The following MYEF2 variants were observed in gnomAD, a reference collection of about 807,000 sequenced individuals.
MYEF2 encodes the protein myelin expression factor 2.
Under a neutral mutation model 75.2 loss-of-function variants are expected in MYEF2, and 37 were observed. That is an observed-to-expected ratio of 0.49 (90% CI 0.38 to 0.65). The LOEUF (loss-of-function observed/expected upper bound fraction) is 0.65. Ranked by LOEUF, MYEF2 falls within the 30% of genes least tolerant of loss-of-function variation. The pLI, the probability that MYEF2 is intolerant of heterozygous loss-of-function variation, is 0.00. For missense variants in MYEF2, 634 were observed against 771.4 expected, an observed-to-expected ratio of 0.82 and a Z score of 2.11; for synonymous variants, 195 against 241.6, an observed-to-expected ratio of 0.81 and a Z score of 1.79.
chr15:48,170,696 C>G (rs1488492333), intron 1 of MYEF2, among the ~76,000 whole-genome samples: 2 of 152,138 alleles, frequency 1.3e-5, no homozygotes, highest in Non-Finnish European at 2.9e-5. Flanking sequence ...TCATTTGTTA[C>G]ATAATATATA....
intron 8 of MYEF2, 25 bp downstream of exon 8, chr15:48,158,150 G>A: frequency 6.2e-7 from 1 of 1,612,590 alleles, no homozygotes; most frequent in Non-Finnish European, 8.5e-7. Context: ...GAGGTTGGAG[G>A]TTGAAGTGAT....
Position 48,167,348 on chromosome 15 carries a change from C to T in MYEF2, c.423+1G>A. The T allele has an allele frequency of 6.2e-7, 1 of 1,612,996 alleles. No homozygotes were observed. The highest frequency in any genetic ancestry group is 8.5e-7 in the Non-Finnish European group (1 of 1,179,098). On this transcript the variant is annotated splice_donor_variant, in intron 3 of 16. Transcript: ENST00000324324. LOFTEE classifies it high-confidence loss of function. Reference sequence around the variant, plus strand: ...AGCAGATTATTGCCCACAGCACTTACCCTTGATTTTCCTTCCGCATCCTTA... The same window carrying T: ...AGCAGATTATTGCCCACAGCACTTATCCTTGATTTTCCTTCCGCATCCTTA...
intron 5 of MYEF2, among the ~76,000 whole-genome samples, 171 bp downstream of exon 5, chr15:48,165,762 G>A (rs1275466467): frequency 2.6e-5 from 4 of 151,688 alleles, no homozygotes. Flanking sequence ...CTGCTTAACA[G>A]CAAATATAAA....
chr15:48,174,307 A>T (rs1479089448), intron 1 of MYEF2, among the ~76,000 whole-genome samples: 2 of 152,106 alleles, frequency 1.3e-5, no homozygotes, highest in Non-Finnish European at 2.9e-5. Context: ...ATGAAAATGG[A>T]TTAAAAACTT....
chr15:48,144,685 A>G (rs1420981388), intron 16 of MYEF2, among the ~76,000 whole-genome samples: 6 of 151,958 alleles, frequency 3.9e-5, no homozygotes. Flanking sequence ...AAAACAATTT[A>G]AAGATAAATG....
rs2039075269 is a variant in MYEF2, at chr15:48,141,299, C to G, written c.*1609G>C. ...TAGCTTTAAAAATGTTTACTTCCAGCCGGGTGTGGTGGCTCGCGCCTGTAA... is the reference window on the plus strand; with the variant it reads ...TAGCTTTAAAAATGTTTACTTCCAGGCGGGTGTGGTGGCTCGCGCCTGTAA... On this transcript the variant is annotated 3_prime_UTR_variant, in exon 17 of 17. Transcript: ENST00000324324. The G allele has an allele frequency of 8.6e-7, 1 of 1,160,448 alleles. No homozygotes were observed. The highest frequency in any genetic ancestry group is 1.6e-5 in the African/African-American group (1 of 64,024). 71.9% of individuals were successfully genotyped at this position (1,160,448 alleles called of 1,614,324 possible).
intron 3 of MYEF2, among the ~76,000 whole-genome samples, chr15:48,166,794 C>T (rs2040147716): frequency 6.6e-6 from 1 of 151,922 alleles, no homozygotes; most frequent in South Asian, 2.1e-4. Flanking sequence ...AAGAGTTTTC[C>T]ATTGTATTCT....
chr15:48,151,748 T>C, intron 12 of MYEF2, 126 bp downstream of exon 12: 2 of 1,218,378 alleles, frequency 1.6e-6, no homozygotes, highest in East Asian at 2.4e-5. Context: ...GGCCTGTCCT[T>C]ATCCCCTAGT....
rs183612933 is a variant in MYEF2, at chr15:48,134,819, T to A, written c.*8089A>T. ...TACAAATATATAAACAATTTTAGTA[T>A]TATACTAAGGATTGTACTTGAAGAA... On this transcript the variant is annotated 3_prime_UTR_variant, in exon 17 of 17. Coordinates refer to ENST00000324324, the MANE Select transcript of MYEF2 (RefSeq NM_016132.5). 37 of 1,215,112 alleles carry A rather than the reference T, an allele frequency of 3.0e-5. No homozygotes were observed. The highest frequency in any genetic ancestry group is 2.9e-4 in the Admixed American group (14 of 48,226). The allele number at this position is 1,215,112 out of a possible 1,614,324, so 75.3% of individuals were successfully genotyped here.
rs762449643 is a variant in MYEF2, at chr15:48,136,998, TCGCAAAGGAA to T, written c.*5900_*5909del. On this transcript the variant is annotated 3_prime_UTR_variant, in exon 17 of 17. Transcript: ENST00000324324. ...AAATCTTGCCCATTATTAAGTCTAT[TCGCAAAGGAA>T]AAACTTTAAAATTTCATTTCAATTC... is the stretch of plus-strand genomic sequence containing the variant. 5.1e-6 allele frequency: 8 copies of T among 1,558,612 alleles called. No individual in the cohort carries two copies. The highest frequency in any genetic ancestry group is 1.7e-4 in the Middle Eastern group (1 of 5,804).
In MYEF2 at chr15:48,151,581, T is replaced by A; in HGVS notation, c.1208-10A>T. ...GCACCACGGTACAGCTCTGAAAAAATTGTGCAACAAATTAACCTTTTCAAA... is the reference window on the plus strand; with the variant it reads ...GCACCACGGTACAGCTCTGAAAAAAATGTGCAACAAATTAACCTTTTCAAA... On this transcript the variant is annotated splice_polypyrimidine_tract_variant and intron_variant, in intron 12 of 16. Coordinates refer to ENST00000324324, the MANE Select transcript of MYEF2 (RefSeq NM_016132.5). The A allele has an allele frequency of 6.3e-7, 1 of 1,596,440 alleles. No individual in the cohort carries two copies. Among genetic ancestry groups the A allele is most frequent in the East Asian group, 2.2e-5 (1 of 44,804 alleles).
At chr15:48,157,800 G>GA (rs957317520) in intron 9 of MYEF2, 193 bp downstream of exon 9, 7,996 of 1,173,592 alleles carry the variant, frequency 6.8e-3, no homozygotes, top group East Asian at 0.019. Context: ...TTACCAAAGA[G>GA]AAAAAAAAAA....
At chr15:48,157,672 C>CAAAATATAAAATATAAAT (rs1191243479) in intron 9 of MYEF2, 1 of 838,828 alleles carries the variant, frequency 1.2e-6, no homozygotes, top group East Asian at 8.7e-5. Flanking sequence ...GAAGAAAATA[C>CAAAATATAAAATATAAAT]ACAAAAATGT....
chr15:48,171,561 T>C (rs1459752153), intron 1 of MYEF2, among the ~76,000 whole-genome samples: 8 of 152,054 alleles, frequency 5.3e-5, no homozygotes, highest in Non-Finnish European at 5.9e-5. Flanking sequence ...TGCTCATCTA[T>C]GATGTAGAAT....
At chr15:48,160,490 C>CACAG (rs2039898012) in intron 5 of MYEF2, among the ~76,000 whole-genome samples, 1 of 9,578 alleles carries the variant, frequency 1.0e-4, no homozygotes, top group Non-Finnish European at 4.7e-4. Context: ...CAAACATACA[C>CACAG]ACACACACAC....
Position 48,136,488 on chromosome 15 carries a change from T to A in MYEF2, c.*6420A>T. On this transcript the variant is annotated 3_prime_UTR_variant, in exon 17 of 17. Transcript: ENST00000324324. The stretch of plus-strand genomic sequence containing the variant: ...AAAAAAAAAAAACAACACAGAAGTG[T>A]CCAGCTTTTATCAATAAACATAATA... 3 of 457,104 alleles carry A rather than the reference T, an allele frequency of 6.6e-6. No homozygotes were observed. The highest frequency in any genetic ancestry group is 1.1e-5 in the Non-Finnish European group (3 of 269,468). 28.3% of individuals were successfully genotyped at this position (457,104 alleles called of 1,614,324 possible).
At chr15:48,166,181 A>C (rs201391594) in intron 3 of MYEF2, 53 bp from the exon 4 acceptor site, 11 of 1,380,560 alleles carry the variant, frequency 8.0e-6, no homozygotes, top group Non-Finnish European at 1.1e-5. Flanking sequence ...GTTTTAGATC[A>C]GTACATGAAG....
Position 48,139,921 on chromosome 15 carries a change from C to T in MYEF2, c.*2987G>A, listed in dbSNP as rs955530237. Reference sequence around the variant, plus strand: ...TACATATTATCTATGATTGTTTTCACACTACATTGGCAAAGCTGAATAACT... The same window carrying T: ...TACATATTATCTATGATTGTTTTCATACTACATTGGCAAAGCTGAATAACT... On this transcript the variant is annotated 3_prime_UTR_variant, in exon 17 of 17. Coordinates refer to ENST00000324324, the MANE Select transcript of MYEF2 (RefSeq NM_016132.5). The T allele has an allele frequency of 1.3e-5, 2 of 152,028 alleles. No homozygotes were observed. The highest frequency in any genetic ancestry group is 6.6e-5 in the Admixed American group (1 of 15,262). The allele number at this position is 152,028 out of a possible 1,614,324, so 9.4% of individuals were successfully genotyped here.
intron 9 of MYEF2, among the ~76,000 whole-genome samples, chr15:48,155,919 C>T (rs1049747437): frequency 6.6e-6 from 1 of 151,958 alleles, no homozygotes; most frequent in Non-Finnish European, 1.5e-5. Context: ...GGACTACAGG[C>T]ATGCGCCACC....
Sources: gnomAD v4.1 joint callset for allele counts (sites outside exome capture counted in the v4.1 genomes callset) on GRCh38, gnomAD v4.1.1 for gene constraint, MANE v1.5 for transcripts, NCBI Gene and HGNC (gene_info 2026-07-23, HGNC 2026-07-21) for gene names.